The following CDK5RAP2 variants were observed in gnomAD, a reference collection of about 807,000 sequenced individuals.
CDK5RAP2 encodes the protein CDK5 regulatory subunit associated protein 2.
In CDK5RAP2, 147 loss-of-function variants were observed where a neutral mutation model predicts 232.9. That is an observed-to-expected ratio of 0.63 (90% CI 0.55 to 0.72). The LOEUF is 0.72. Among genes scored for constraint, CDK5RAP2 ranks in the 30% least tolerant of loss-of-function variants. The pLI is 0.00. For synonymous variants in CDK5RAP2, 833 were observed against 833.7 expected, an observed-to-expected ratio of 1.00 and a Z score of 0.01; for missense variants, 2,195 against 2,231.5, an observed-to-expected ratio of 0.98 and a Z score of 0.33.
chr9:120,437,762 A>C (rs1564214556), intron 24 of CDK5RAP2, among the ~76,000 whole-genome samples: 1 of 152,206 alleles, frequency 6.6e-6, no homozygotes, highest in Non-Finnish European at 1.5e-5. Flanking sequence ...TAAAGCCCCC[A>C]ATTAAAGTAC....
At chr9:120,555,320 T>C (rs1162272470) in intron 3 of CDK5RAP2, among the ~76,000 whole-genome samples, 1 of 151,776 alleles carries the variant, frequency 6.6e-6, no homozygotes, top group East Asian at 2.0e-4. Flanking sequence ...TTTTTTTAAA[T>C]AGAGACGAGG....
chr9:120,507,181 T>C (rs766872562), intron 12 of CDK5RAP2, among the ~76,000 whole-genome samples: 1 of 152,194 alleles, frequency 6.6e-6, no homozygotes, highest in African/African-American at 2.4e-5. Flanking sequence ...CAGGTATGTA[T>C]GTTGTTATTT....
intron 1 of CDK5RAP2, among the ~76,000 whole-genome samples, chr9:120,577,072 T>C (rs139997019): frequency 2.8e-4 from 43 of 152,160 alleles, no homozygotes; most frequent in Non-Finnish European, 5.4e-4. Flanking sequence ...GTCAAAATCA[T>C]AGAGACAGGC....
At chr9:120,471,393 A>G (rs1307287354) in intron 16 of CDK5RAP2, among the ~76,000 whole-genome samples, 1 of 152,164 alleles carries the variant, frequency 6.6e-6, no homozygotes, top group Non-Finnish European at 1.5e-5. Context: ...GCTCTCTGCA[A>G]TAGGTGCTGT....
chr9:120,395,932 C>G (rs2032427762), intron 35 of CDK5RAP2, among the ~76,000 whole-genome samples: 1 of 152,200 alleles, frequency 6.6e-6, no homozygotes, highest in South Asian at 2.1e-4. Context: ...TTGCAAGTGT[C>G]TAAGTTTTCT....
At chr9:120,483,646 G>A (rs773638607) in intron 14 of CDK5RAP2, among the ~76,000 whole-genome samples, 7 of 152,148 alleles carry the variant, frequency 4.6e-5, no homozygotes, top group Non-Finnish European at 1.0e-4. Flanking sequence ...CTCTCAAAAG[G>A]CAGGCATGTA....
At chr9:120,440,918 G>A (rs2035861942) in intron 23 of CDK5RAP2, among the ~76,000 whole-genome samples, 1 of 152,166 alleles carries the variant, frequency 6.6e-6, no homozygotes, top group South Asian at 2.1e-4. Context: ...CCTTTAGTGA[G>A]GTGTTTCACT....
At chr9:120,517,887 C>G in intron 12 of CDK5RAP2, 1 of 352,094 alleles carries the variant, frequency 2.8e-6, no homozygotes, top group South Asian at 2.3e-5. Flanking sequence ...GAGTGAGACC[C>G]TGTCTCAAAA....
chr9:120,568,220 C>CA, intron 3 of CDK5RAP2, 101 bp downstream of exon 3: 1 of 909,248 alleles, frequency 1.1e-6, no homozygotes, highest in Non-Finnish European at 1.9e-6. Context: ...CCTCTGGCAT[C>CA]ACCGAACTTA....
At chr9:120,456,817 T>C (rs2036804916) in intron 20 of CDK5RAP2, among the ~76,000 whole-genome samples, 1 of 152,126 alleles carries the variant, frequency 6.6e-6, no homozygotes, top group African/African-American at 2.4e-5. Flanking sequence ...TACAAATGGG[T>C]AGTAAAAGGT....
At chr9:120,550,200 CT>C (rs2041996768) in intron 4 of CDK5RAP2, among the ~76,000 whole-genome samples, 2 of 152,194 alleles carry the variant, frequency 1.3e-5, no homozygotes, top group Non-Finnish European at 2.9e-5. Context: ...TGAGGATAGG[CT>C]TTTCTTCTGA....
chr9:120,389,569 C>T (rs542220918), intron 37 of CDK5RAP2, among the ~76,000 whole-genome samples, 172 bp downstream of exon 37: 15 of 152,298 alleles, frequency 9.8e-5, no homozygotes, highest in African/African-American at 2.6e-4. Flanking sequence ...CCCCTACTGG[C>T]GACAGGGCAT....
In CDK5RAP2 at chr9:120,525,039, C is replaced by T; in HGVS notation, c.1039G>A (p.Ala347Thr). 1 of 1,614,082 alleles carries T rather than the reference C, an allele frequency of 6.2e-7. No homozygotes were observed. Among genetic ancestry groups the T allele is most frequent in the Non-Finnish European group, 8.5e-7 (1 of 1,179,946 alleles). ...AGGGCCTCTCTGGCTTTAGCAAAGG[C>T]AGCACTGAGCTTTTCAATTTCAGAG... ...LNSEIEKLSA[A>T]FAKAREALQK... The change falls in exon 11 of 38, where the codon GCC becomes ACC. Residue 347 changes from alanine (A) to threonine (T), a missense_variant. Transcript: ENST00000349780.
rs757887435 is a variant in CDK5RAP2 at position 120,439,381 on chromosome 9, G to A, written c.3722+18C>T. ...GGACTACAGGCTTAAACGGGGAGAC[G>A]GCAGAGGTGGAACGTACCTGGGAGG... On this transcript the variant is annotated intron_variant, in intron 24 of 37. Transcript: ENST00000349780. 8.7e-6 allele frequency: 14 copies of A among 1,604,182 alleles called. No individual in the cohort carries two copies. Among genetic ancestry groups the A allele is most frequent in the Middle Eastern group, 1.7e-4 (1 of 6,022 alleles).
chr9:120,407,886 T>C (rs1588252788), intron 31 of CDK5RAP2: 1 of 265,328 alleles, frequency 3.8e-6, no homozygotes, highest in East Asian at 9.3e-5. Flanking sequence ...GTTTGCTGAA[T>C]GAGTGGGCAA....
In CDK5RAP2 at chr9:120,470,226, C is replaced by T; in HGVS notation, c.1859-6G>A. 7.5e-7 allele frequency: 1 copy of T among 1,328,878 alleles called. No individual in the cohort carries two copies. The highest frequency in any genetic ancestry group is 1.0e-6 in the Non-Finnish European group (1 of 961,424). The allele number at this position is 1,328,878 out of a possible 1,614,324, so 82.3% of individuals were successfully genotyped here. ...ATAAAGTGAAAATGATTCTTCTGCC[C>T]AAAAAAGAAAAAAAAAAGGTGGGGA... On this transcript the variant is annotated splice_polypyrimidine_tract_variant and splice_region_variant and intron_variant, in intron 16 of 37. Transcript: ENST00000349780.
intron 21 of CDK5RAP2, among the ~76,000 whole-genome samples, chr9:120,450,295 C>A (rs2131386250): frequency 6.6e-6 from 1 of 152,258 alleles, no homozygotes; most frequent in East Asian, 1.9e-4. Flanking sequence ...ATGAAATAAT[C>A]CAGAATAGGC....
At chr9:120,537,668 C>T (rs562489896) in intron 6 of CDK5RAP2, among the ~76,000 whole-genome samples, 2 of 150,710 alleles carry the variant, frequency 1.3e-5, no homozygotes, top group African/African-American at 4.9e-5. Flanking sequence ...CTTAGCCACA[C>T]TGTGCCTGTT....
At chr9:120,566,504 T>C (rs2042650756) in intron 3 of CDK5RAP2, among the ~76,000 whole-genome samples, 1 of 152,172 alleles carries the variant, frequency 6.6e-6, no homozygotes, top group Non-Finnish European at 1.5e-5. Context: ...CAAGGGGAAC[T>C]TGAATCACAT....
Sources: gnomAD v4.1 joint callset for allele counts (sites outside exome capture counted in the v4.1 genomes callset) on GRCh38, gnomAD v4.1.1 for gene constraint, MANE v1.5 for transcripts, NCBI Gene and HGNC (gene_info 2026-07-23, HGNC 2026-07-21) for gene names.